TRAPPC9: variants seen among roughly 807,000 people sequenced by gnomAD.
The protein encoded by TRAPPC9 is trafficking protein particle complex subunit 9.
TRAPPC9 carries 83 observed loss-of-function variants against 124.0 expected under a neutral mutation model. The observed-to-expected ratio is 0.67, with a 90% CI of 0.56 to 0.80. The LOEUF is 0.80. TRAPPC9 is among the 30% of genes least tolerant of loss of function. The pLI, the probability that TRAPPC9 is intolerant of heterozygous loss-of-function variation, is 0.00. For missense variants in TRAPPC9, 1,302 were observed against 1,508.3 expected, an observed-to-expected ratio of 0.86 and a Z score of 2.27; for synonymous variants, 638 against 617.5, an observed-to-expected ratio of 1.03 and a Z score of -0.49.
At chr8:139,809,731 C>T (rs2130736814) in intron 21 of TRAPPC9, among the ~76,000 whole-genome samples, 1 of 152,230 alleles carries the variant, frequency 6.6e-6, no homozygotes, top group South Asian at 2.1e-4. Context: ...CGGCACCATC[C>T]TCTCCCAGCC....
At chr8:140,137,541 C>T (rs1398570307) in intron 17 of TRAPPC9, among the ~76,000 whole-genome samples, 1 of 152,232 alleles carries the variant, frequency 6.6e-6, no homozygotes, top group Non-Finnish European at 1.5e-5. Flanking sequence ...GGCCTCACCC[C>T]ACGCTGCCCA....
chr8:140,395,211 G>C (rs1021394165), intron 7 of TRAPPC9, among the ~76,000 whole-genome samples: 1 of 152,184 alleles, frequency 6.6e-6, no homozygotes, highest in Non-Finnish European at 1.5e-5. Flanking sequence ...GTGGCCTACA[G>C]CTTTGAGGGA....
At chr8:140,357,522 C>A (rs114865506) in intron 9 of TRAPPC9, among the ~76,000 whole-genome samples, 1 of 151,922 alleles carries the variant, frequency 6.6e-6, no homozygotes, top group South Asian at 2.1e-4. Flanking sequence ...AGATTCTAAG[C>A]CCCTACACAG....
At chr8:140,167,156 A>G (rs770589521) in intron 17 of TRAPPC9, among the ~76,000 whole-genome samples, 646 of 152,298 alleles carry the variant, frequency 4.2e-3, no homozygotes, top group Non-Finnish European at 6.6e-3. Flanking sequence ...AAAAAAAAAA[A>G]AAACTTGTTA....
At chr8:139,930,356 G>A (rs75595701) in intron 19 of TRAPPC9, among the ~76,000 whole-genome samples, 292 of 152,328 alleles carry the variant, frequency 1.9e-3, no homozygotes, top group African/African-American at 6.8e-3. Flanking sequence ...CAAGGCCAGC[G>A]CGCTCACACA....
intron 17 of TRAPPC9, among the ~76,000 whole-genome samples, chr8:140,070,613 T>C (rs1411819099): frequency 6.6e-6 from 1 of 152,188 alleles, no homozygotes; most frequent in Non-Finnish European, 1.5e-5. Flanking sequence ...GGAGGAACAG[T>C]AGGGCCTCGT....
intron 16 of TRAPPC9, among the ~76,000 whole-genome samples, chr8:140,222,584 C>G (rs1563859103): frequency 6.6e-6 from 1 of 152,210 alleles, no homozygotes; most frequent in Admixed American, 6.5e-5. Context: ...GCCCCTAGCA[C>G]TCAAGAGGAA....
chr8:140,397,685 T>C lies in TRAPPC9; in HGVS notation c.1069A>G (p.Ile357Val), dbSNP rs745470870. Residue 357 changes from isoleucine (I) to valine (V), a missense_variant, in exon 7 of 23, where the codon ATT (isoleucine) becomes GTT (valine). Ile to Val is a conservative substitution (Grantham distance 29). Coordinates refer to ENST00000438773, the MANE Select transcript of TRAPPC9 (RefSeq NM_001160372.4). The part of the protein sequence containing the change: ...ACIKAVRVLA[I>V]QKRSMEASEF... ...GATGCTTCCATGCTCCGTTTCTGAA[T>C]TGCAAGGACACGTACAGCCTTGATG... is the stretch of plus-strand genomic sequence containing the variant. 2.5e-6 allele frequency: 4 copies of C among 1,614,218 alleles called. No homozygotes were observed. The highest frequency in any genetic ancestry group is 1.7e-5 in the Admixed American group (1 of 60,026).
chr8:139,920,447 C>T (rs1033440699), intron 19 of TRAPPC9, among the ~76,000 whole-genome samples: 6 of 152,230 alleles, frequency 3.9e-5, no homozygotes, highest in Non-Finnish European at 7.3e-5. Flanking sequence ...TCTAATCTGC[C>T]GTGCCCTTGG....
chr8:139,914,810 G>A (rs553375224), intron 19 of TRAPPC9: 16 of 152,416 alleles, frequency 1.0e-4, no homozygotes, highest in East Asian at 5.8e-4. Context: ...GGCCCCCGCA[G>A]CCTCGGAAGC....
At chr8:139,952,731 C>T (rs1193260070) in intron 19 of TRAPPC9, among the ~76,000 whole-genome samples, 4 of 152,212 alleles carry the variant, frequency 2.6e-5, no homozygotes, top group East Asian at 1.9e-4. Context: ...CTGTGGCAGT[C>T]GACTCACACT....
chr8:140,207,449 T>C (rs2062953601), intron 17 of TRAPPC9, among the ~76,000 whole-genome samples: 1 of 152,214 alleles, frequency 6.6e-6, no homozygotes, highest in Admixed American at 6.5e-5. Context: ...TTTCTGTCAG[T>C]CATTCTCAAT....
intron 16 of TRAPPC9, among the ~76,000 whole-genome samples, chr8:140,227,633 T>C (rs1012971976): frequency 5.3e-5 from 8 of 152,100 alleles, no homozygotes; most frequent in Non-Finnish European, 7.4e-5. Flanking sequence ...ATGATGACAA[T>C]TGGGGAAAAT....
rs73362991 is a variant in TRAPPC9 at position 140,179,616 on chromosome 8, T to C, written c.2556+41843A>G. Among the ~76,000 whole-genome samples the C allele has an allele frequency of 4.7e-3, 711 of 152,256 alleles. 6 individuals are homozygous for C. Among genetic ancestry groups the C allele is most frequent in the African/African-American group, 0.016 (684 of 41,580 alleles). ...TGGTTGTGAGTGTCAAAGTCTTCTA[T>C]ATCTTCACTGACATTCTTTCTATTT... On this transcript the variant is annotated intron_variant, in intron 17 of 22. Coordinates refer to ENST00000438773, the MANE Select transcript of TRAPPC9 (RefSeq NM_001160372.4).
intron 20 of TRAPPC9, among the ~76,000 whole-genome samples, chr8:139,903,838 C>T (rs537631232): frequency 6.6e-5 from 10 of 152,186 alleles, no homozygotes; most frequent in Admixed American, 5.9e-4. Context: ...GTCAGGAGTT[C>T]GAGACCAGCC....
chr8:140,367,119 A>C (rs1343496983), intron 8 of TRAPPC9, among the ~76,000 whole-genome samples: 6 of 152,198 alleles, frequency 3.9e-5, no homozygotes, highest in Non-Finnish European at 8.8e-5. Context: ...TTCATTGCTG[A>C]AGGGGATGCA....
At chr8:140,230,611 CA>C (rs796762443) in intron 16 of TRAPPC9, among the ~76,000 whole-genome samples, 71 of 136,922 alleles carry the variant, frequency 5.2e-4, no homozygotes, top group Admixed American at 5.1e-4. Context: ...GACTCCATCT[CA>C]AAAAAAAAAA....
intron 21 of TRAPPC9, among the ~76,000 whole-genome samples, chr8:139,787,191 G>A (rs552275552): frequency 3.9e-5 from 6 of 152,212 alleles, no homozygotes; most frequent in Non-Finnish European, 2.9e-5. Flanking sequence ...TGGCCACCCA[G>A]CACAGTCACA....
At chr8:140,388,444 G>A (rs1415956193) in intron 7 of TRAPPC9, among the ~76,000 whole-genome samples, 2 of 152,010 alleles carry the variant, frequency 1.3e-5, no homozygotes, top group Non-Finnish European at 2.9e-5. Flanking sequence ...AGCACTTTGG[G>A]AGGCCAAGGC....
Sources: gnomAD v4.1 joint callset for allele counts (sites outside exome capture counted in the v4.1 genomes callset) on GRCh38, gnomAD v4.1.1 for gene constraint, MANE v1.5 for transcripts, NCBI Gene and HGNC (gene_info 2026-07-23, HGNC 2026-07-21) for gene names.